ERN2: variants seen among roughly 807,000 people sequenced by gnomAD.
The protein encoded by ERN2 is endoplasmic reticulum to nucleus signaling 2, also known as serine/threonine-protein kinase/endoribonuclease IRE2.
Under a neutral mutation model 107.9 loss-of-function variants are expected in ERN2, and 111 were observed. That is an observed-to-expected ratio of 1.03 (90% CI 0.88 to 1.20). The LOEUF is 1.20. ERN2 is among the 50% of genes most tolerant of loss of function. ERN2 has a pLI of 0.00. For synonymous variants in ERN2, 524 were observed against 501.7 expected, an observed-to-expected ratio of 1.04 and a Z score of -0.59; for missense variants, 1,225 against 1,197.9, an observed-to-expected ratio of 1.02 and a Z score of -0.33.
intron 2 of ERN2, 42 bp from the exon 3 acceptor site, chr16:23,710,591 A>T (rs765752689): frequency 6.2e-7 from 1 of 1,610,118 alleles, no homozygotes; most frequent in Non-Finnish European, 8.5e-7. Context: ...TTTCCTCCAG[A>T]CCCCACTGAA....
In ERN2 at chr16:23,705,136, G is replaced by C. The variant is rs757300113; in HGVS notation, c.601C>G (p.Leu201Val). The change falls in exon 8 of 22, where the codon CTG becomes GTG. Residue 201 changes from leucine (L) to valine (V), a missense_variant. Coordinates refer to ENST00000256797, the MANE Select transcript of ERN2 (RefSeq NM_033266.4). ...AGCAGGCCCATCCCGCAGGACGCCA[G>C]GTGGCTCATGTCTGCCGAGAAAGGT... Reference protein sequence around the residue: ...DGSPGKYMSHLASCGMGLLLT... With the variant: ...DGSPGKYMSHVASCGMGLLLT... The C allele has an allele frequency of 5.0e-6, 8 of 1,611,890 alleles. No homozygotes were observed. The South Asian group carries it at 7.7e-5, about 15-fold the overall frequency.
At position 23,695,965 on chromosome 16, in the gene ERN2, G is replaced by A. The variant is rs61730173; in HGVS notation, c.1539C>T (p.Thr513=). The A allele has an allele frequency of 1.1e-4, 184 of 1,613,948 alleles. No individual in the cohort carries two copies. In the African/African-American group the frequency reaches 2.2e-3, roughly 19 times the overall value. The change falls in exon 14 of 22, where the codon ACC becomes ACT. Residue 513 remains threonine, a synonymous_variant. Transcript: ENST00000256797. ...PLDDPEAEQL[T]VVGKISFNPK... ...GATTGAAGGAAATCTTCCCCACTAC[G>A]GTGAGTTGCTCAGCTGGGGGAGAGG...
intron 13 of ERN2, among the ~76,000 whole-genome samples, chr16:23,699,424 C>T (rs1046727136): frequency 7.2e-5 from 11 of 152,122 alleles, no homozygotes; most frequent in African/African-American, 2.7e-4. Flanking sequence ...GTAGCCTGGG[C>T]TGATTGGTAA....
chr16:23,692,254 G>A lies in ERN2; in HGVS notation c.2178C>T (p.Asp726=). ...VLSGGSHPFG[D]SLYRQANILT... is the part of the protein sequence containing the mutation. ...GGATGTTTGCCTGGCGATAAAGACT[G>A]TCTCCAAAGGGGTGGCTGCCACCAG... Residue 726 remains aspartate (D), a synonymous_variant, in exon 18 of 22, where the codon GAC becomes GAT. Transcript: ENST00000256797. 1 of 1,614,178 alleles carries A rather than the reference G, an allele frequency of 6.2e-7. No homozygotes were observed. The highest frequency in any genetic ancestry group is 8.5e-7 in the Non-Finnish European group (1 of 1,180,040).
chr16:23,712,073 G>T (rs753179802), intron 1 of ERN2: 66 of 452,118 alleles, frequency 1.5e-4, no homozygotes, highest in South Asian at 2.2e-4. Flanking sequence ...TGGCCCAGCC[G>T]CACCCCTACA....
chr16:23,696,030 C>A (rs746561196), intron 13 of ERN2, 52 bp from the exon 14 acceptor site: 58 of 1,373,910 alleles, frequency 4.2e-5, no homozygotes, highest in Non-Finnish European at 6.0e-5. Flanking sequence ...CCTTTGCCGG[C>A]CACTGGCCCA....
chr16:23,713,035 GCCGCCCCC>G, intron 1 of ERN2, 52 bp downstream of exon 1: 1 of 1,327,332 alleles, frequency 7.5e-7, no homozygotes, highest in Non-Finnish European at 9.9e-7. Context: ...CAAGTGCGAC[GCCGCCCCC>G]TGCGCCCCGC....
At chr16:23,705,501 G>T (rs947913475) in intron 7 of ERN2, among the ~76,000 whole-genome samples, 8 of 152,024 alleles carry the variant, frequency 5.3e-5, no homozygotes, top group Admixed American at 2.0e-4. Flanking sequence ...GCGAGTAGGT[G>T]ACCTCACCTC....
rs1167501270 is a variant in ERN2 at position 23,710,898 on chromosome 16, C to A, written c.199+15G>T. On this transcript the variant is annotated intron_variant, in intron 2 of 21. Transcript: ENST00000256797. ...TATGGGCCCAAGGAGGGAGGAGGGA[C>A]CACCTCTTGCTCACCATCCCTCAGA... 2 of 1,579,746 alleles carry A rather than the reference C, an allele frequency of 1.3e-6. No individual in the cohort carries two copies. The highest frequency in any genetic ancestry group is 1.7e-6 in the Non-Finnish European group (2 of 1,148,734).
Position 23,691,037 on chromosome 16 carries a change from G to T in ERN2, c.2575C>A (p.His859Asn), listed in dbSNP as rs774756022. ...ACCTCAACTGGGAGCTCCCTGTAGTGGTGCTTCTGTGGGTAGGTAGAGCAG... is the reference window on the plus strand; with the variant it reads ...ACCTCAACTGGGAGCTCCCTGTAGTTGTGCTTCTGTGGGTAGGTAGAGCAG... The part of the protein sequence containing the change: ...LLRAVRNKKH[H>N]YRELPVEVRQ... The change falls in exon 22 of 22, where the codon CAC (histidine) becomes AAC (asparagine). Residue 859 changes from histidine to asparagine, a missense_variant. His to Asn is a moderately conservative substitution (Grantham distance 68, BLOSUM62 1). Coordinates refer to ENST00000256797, the MANE Select transcript of ERN2 (RefSeq NM_033266.4). The T allele has an allele frequency of 6.2e-7, 1 of 1,614,212 alleles. No individual in the cohort carries two copies. Among genetic ancestry groups the T allele is most frequent in the South Asian group, 1.1e-5 (1 of 91,088 alleles).
At chr16:23,701,147 C>T (rs1302413934) in intron 11 of ERN2, 33 bp from the exon 12 acceptor site, 1 of 1,599,676 alleles carries the variant, frequency 6.3e-7, no homozygotes, top group Non-Finnish European at 8.5e-7. Flanking sequence ...TTTTAGCACC[C>T]CCTTCCACCA....
chr16:23,692,019 G>T lies in ERN2; in HGVS notation c.2320C>A (p.Gln774Lys). Residue 774 changes from glutamine to lysine, a missense_variant, in exon 19 of 22, where the codon CAG (glutamine) becomes AAG (lysine). Physicochemically the swap from Gln to Lys is moderately conservative, Grantham distance 53. Transcript: ENST00000256797. Reference sequence around the variant, plus strand: ...CAAAAGAAGGGGTGGGCCAGCACCTGGGGGGCAGAGGGGCGTGGCTGCGGC... The same window carrying T: ...CAAAAGAAGGGGTGGGCCAGCACCTTGGGGGCAGAGGGGCGTGGCTGCGGC... ...PLPQPRPSAP[Q>K]VLAHPFFWSR... The T allele has an allele frequency of 6.2e-7, 1 of 1,613,634 alleles. No individual in the cohort carries two copies. The highest frequency in any genetic ancestry group is 1.3e-5 in the African/African-American group (1 of 75,044).
chr16:23,709,102 G>C (rs185475371), intron 4 of ERN2: 24 of 448,136 alleles, frequency 5.4e-5, no homozygotes, highest in Middle Eastern at 6.5e-4. Flanking sequence ...ATATACTTAA[G>C]ACTTTTCTAG....
At chr16:23,709,119 T>C in intron 4 of ERN2, 1 of 451,450 alleles carries the variant, frequency 2.2e-6, no homozygotes, top group Admixed American at 2.4e-5. Flanking sequence ...CTAGCAGGCT[T>C]CCCCTGACAT....
Position 23,695,039 on chromosome 16 carries a change from T to TGGGCC in ERN2, c.1875_1879dup (p.His627ArgfsTer9). 6.2e-7 allele frequency: 1 copy of TGGGCC among 1,613,486 alleles called. No homozygotes were observed. Among genetic ancestry groups the TGGGCC allele is most frequent in the Non-Finnish European group, 8.5e-7 (1 of 1,179,770 alleles). On this transcript the variant is annotated frameshift_variant, in exon 16 of 22. Transcript: ENST00000256797. LOFTEE classifies it high-confidence loss of function. ...GGTACCTATGTGTAAAGAGTGCAGGTGGGCCAGGCCAGACATCAGCTGCTG... is the reference window on the plus strand; with the variant it reads ...GGTACCTATGTGTAAAGAGTGCAGGTGGGCCGGGCCAGGCCAGACATCAGCTGCTG...
chr16:23,703,372 ACTCCTTG>A (rs1224844343), intron 8 of ERN2, among the ~76,000 whole-genome samples: 2 of 152,020 alleles, frequency 1.3e-5, no homozygotes, highest in East Asian at 3.9e-4. Context: ...ATGATCTTTG[ACTCCTTG>A]CTCACAATCG....
intron 1 of ERN2, chr16:23,712,113 G>A: frequency 2.3e-6 from 1 of 430,822 alleles, no homozygotes; most frequent in South Asian, 1.6e-5. Context: ...GGACCCTCAG[G>A]TTTGGGGCTG....
At chr16:23,707,108 G>C (rs767377338) in intron 4 of ERN2, 29 bp from the exon 5 acceptor site, 15 of 1,544,592 alleles carry the variant, frequency 9.7e-6, no homozygotes, top group Non-Finnish European at 1.3e-5. Flanking sequence ...ACAGGAAGGA[G>C]TAAGAGCAGC....
intron 10 of ERN2, 54 bp from the exon 11 acceptor site, chr16:23,702,327 C>T (rs1465405687): frequency 6.2e-7 from 1 of 1,611,354 alleles, no homozygotes; most frequent in East Asian, 2.2e-5. Context: ...CTTTCCAGCT[C>T]AGAAGCTGGG....
Sources: allele counts gnomAD v4.1 joint callset (sites outside exome capture counted in the v4.1 genomes callset), GRCh38; gene constraint gnomAD v4.1.1; transcripts MANE v1.5; gene names NCBI Gene and HGNC (gene_info 2026-07-23, HGNC 2026-07-21).